Variants in DAGLB observed in about 807,000 individuals in gnomAD.
DAGLB encodes diacylglycerol lipase-beta.
A neutral mutation model predicts 72.1 loss-of-function variants in DAGLB; 66 were observed. The ratio of observed to expected loss-of-function variants is 0.92; its 90% confidence interval spans 0.75 to 1.12. DAGLB has a LOEUF of 1.12. Among genes scored for constraint, DAGLB ranks in the 50% most tolerant of loss-of-function variants. The pLI, the probability that DAGLB is intolerant of heterozygous loss-of-function variation, is 0.00. For synonymous variants in DAGLB, 414 were observed against 359.5 expected (o/e 1.15, Z -1.71); for missense variants, 1,065 against 884.9 (o/e 1.20, Z -2.58).
intron 13 of DAGLB, among the ~76,000 whole-genome samples, chr7:6,411,931 T>C (rs1247456096): frequency 1.3e-5 from 2 of 151,708 alleles, no homozygotes; most frequent in African/African-American, 4.9e-5. Context: ...GACAGAAATT[T>C]CTTCTTTTTG....
At position 6,410,044 on chromosome 7, in the gene DAGLB, GA is replaced by G. The variant is rs547236199; in HGVS notation, c.1821-10del. The G allele has an allele frequency of 1.2e-5, 19 of 1,610,618 alleles. No individual in the cohort carries two copies. In the Admixed American group the frequency reaches 3.0e-4, roughly 25 times the overall value. ...CAGAGCAGCAGCCAAACCTGAAGCA[GA>G]AAAGGAGAGACAGCTCCCACGCGGC... is the stretch of plus-strand genomic sequence containing the variant. On this transcript the variant is annotated splice_polypyrimidine_tract_variant and intron_variant, in intron 14 of 14. Coordinates refer to ENST00000297056, the MANE Select transcript of DAGLB (RefSeq NM_139179.4).
intron 11 of DAGLB, among the ~76,000 whole-genome samples, chr7:6,413,970 C>A (rs1783819775): frequency 6.6e-6 from 1 of 152,200 alleles, no homozygotes; most frequent in African/African-American, 2.4e-5. Context: ...ATAATGGAAA[C>A]ACCAGTCAAA....
At chr7:6,438,473 GA>G (rs751573702) in intron 2 of DAGLB, among the ~76,000 whole-genome samples, 1 of 152,070 alleles carries the variant, frequency 6.6e-6, no homozygotes, top group Non-Finnish European at 1.5e-5. Flanking sequence ...CTCTGAGGGG[GA>G]AAGGGTGCAG....
At chr7:6,413,590 A>G (rs938858359) in intron 11 of DAGLB, among the ~76,000 whole-genome samples, 2 of 151,760 alleles carry the variant, frequency 1.3e-5, no homozygotes, top group East Asian at 1.9e-4. Context: ...AGATCGCGCC[A>G]CTGCACTCCA....
intron 2 of DAGLB, among the ~76,000 whole-genome samples, chr7:6,437,053 C>A (rs1284290032): frequency 1.3e-5 from 2 of 151,562 alleles, no homozygotes; most frequent in Non-Finnish European, 2.9e-5. Context: ...GCGAGGGAGG[C>A]TGAGACAGGA....
rs371735254 is a variant in DAGLB, at chr7:6,441,922, C to T, written c.247+4031G>A. On this transcript the variant is annotated intron_variant, in intron 2 of 14. Coordinates refer to ENST00000297056, the MANE Select transcript of DAGLB (RefSeq NM_139179.4). Reference sequence around the variant, plus strand: ...GTGCAGAAGCAAGACGGCATCGGGGCTGCCCTGACCGAGACAAGCCTCCAT... The same window carrying T: ...GTGCAGAAGCAAGACGGCATCGGGGTTGCCCTGACCGAGACAAGCCTCCAT... 5.3e-4 allele frequency among the ~76,000 whole-genome samples: 81 copies of T among 152,266 alleles called. No homozygotes were observed. In the East Asian group the frequency reaches 0.014, roughly 26 times the overall value.
intron 1 of DAGLB, 39 bp downstream of exon 1, chr7:6,447,709 T>C (rs2115306250): frequency 6.3e-7 from 1 of 1,596,928 alleles, no homozygotes; most frequent in East Asian, 2.3e-5. Context: ...CCGCTCCCTC[T>C]CCGGTGGGCT....
chr7:6,435,036 A>C lies in DAGLB; in HGVS notation c.420-16T>G. 1 of 1,611,326 alleles carries C rather than the reference A, an allele frequency of 6.2e-7. No homozygotes were observed. The highest frequency in any genetic ancestry group is 8.5e-7 in the Non-Finnish European group (1 of 1,178,990). On this transcript the variant is annotated splice_polypyrimidine_tract_variant and intron_variant, in intron 3 of 14. Transcript: ENST00000297056. ...GATGATCCAACTGCAAGACAGAGAG[A>C]GGAAAAGGCTCGGTGACTGCGGGCC...
chr7:6,420,540 G>A (rs1434093850), intron 9 of DAGLB, among the ~76,000 whole-genome samples: 1 of 152,146 alleles, frequency 6.6e-6, no homozygotes, highest in East Asian at 1.9e-4. Context: ...TAGAGACAAA[G>A]TAGAACAGAG....
intron 2 of DAGLB, among the ~76,000 whole-genome samples, chr7:6,443,498 A>G (rs1784902041): frequency 6.6e-6 from 1 of 152,118 alleles, no homozygotes; most frequent in African/African-American, 2.4e-5. Context: ...TCTGTTTTCT[A>G]TGTTACTGTG....
chr7:6,437,805 C>G (rs1290801652), intron 2 of DAGLB, among the ~76,000 whole-genome samples: 1 of 152,096 alleles, frequency 6.6e-6, no homozygotes, highest in Admixed American at 6.6e-5. Context: ...TTACACCTGG[C>G]TAATTTTTGT....
chr7:6,422,089 A>G, intron 8 of DAGLB: 1 of 496,118 alleles, frequency 2.0e-6, no homozygotes, highest in Non-Finnish European at 3.9e-6. Flanking sequence ...ACGTATTCTA[A>G]GGACCCCGTG....
At chr7:6,440,879 C>T (rs1447073018) in intron 2 of DAGLB, among the ~76,000 whole-genome samples, 1 of 151,912 alleles carries the variant, frequency 6.6e-6, no homozygotes, top group Non-Finnish European at 1.5e-5. Context: ...AAAATCAATC[C>T]ATCAGTCAAT....
rs554051249 is a variant in DAGLB, at chr7:6,440,772, G to C, written c.248-4239C>G. 1.1e-3 allele frequency among the ~76,000 whole-genome samples: 165 copies of C among 152,188 alleles called. 1 individual carries two copies. Among genetic ancestry groups the C allele is most frequent in the African/African-American group, 3.7e-3 (155 of 41,544 alleles). ...TAATCCCAGTTAATTGGGAGGCTGA[G>C]CCAGGAGAACTGCTTGAACCTGGGA... On this transcript the variant is annotated intron_variant, in intron 2 of 14. Transcript: ENST00000297056.
At chr7:6,435,686 T>G (rs950327175) in intron 3 of DAGLB, among the ~76,000 whole-genome samples, 5 of 152,104 alleles carry the variant, frequency 3.3e-5, no homozygotes, top group African/African-American at 1.2e-4. Context: ...GCTCTTCTCA[T>G]GAAGGTATCA....
At chr7:6,417,897 G>C (rs1431864528) in intron 9 of DAGLB, 2 of 152,126 alleles carry the variant, frequency 1.3e-5, no homozygotes, top group African/African-American at 4.8e-5. Context: ...ATGAATGACA[G>C]TCTCGCTCTG....
rs564446676 is a variant in DAGLB, at chr7:6,436,342, G to C, written c.419+20C>G. Reference sequence around the variant, plus strand: ...TGCCTCAAATCCACTGAAACTCAAAGAGAAGAAGGGAGATGTCACCTGACC... The same window carrying C: ...TGCCTCAAATCCACTGAAACTCAAACAGAAGAAGGGAGATGTCACCTGACC... On this transcript the variant is annotated intron_variant, in intron 3 of 14. Transcript: ENST00000297056. The C allele has an allele frequency of 1.9e-6, 3 of 1,586,962 alleles. No individual in the cohort carries two copies. The highest frequency in any genetic ancestry group is 2.7e-5 in the African/African-American group (2 of 73,448).
intron 7 of DAGLB, 80 bp downstream of exon 7, chr7:6,425,908 T>G (rs1259965109): frequency 6.3e-7 from 1 of 1,587,942 alleles, no homozygotes; most frequent in Non-Finnish European, 8.6e-7. Flanking sequence ...ACGGGAAGAA[T>G]AATTCATAAC....
At chr7:6,418,832 T>C (rs942921455) in intron 9 of DAGLB, among the ~76,000 whole-genome samples, 14 of 151,344 alleles carry the variant, frequency 9.3e-5, no homozygotes, top group Non-Finnish European at 1.9e-4. Flanking sequence ...GCCCGGCTAA[T>C]TTTTTGTATT....
Sources: gnomAD v4.1 joint callset for allele counts (sites outside exome capture counted in the v4.1 genomes callset) on GRCh38, gnomAD v4.1.1 for gene constraint, MANE v1.5 for transcripts, NCBI Gene and HGNC (gene_info 2026-07-23, HGNC 2026-07-21) for gene names.